Variants in ATP10B observed in about 807,000 individuals in gnomAD.
ATP10B encodes ATPase phospholipid transporting 10B (putative).
In ATP10B, 122 loss-of-function variants were observed where a neutral mutation model predicts 141.2. The observed-to-expected ratio is 0.86, with a 90% CI of 0.75 to 1.00. The LOEUF (loss-of-function observed/expected upper bound fraction) is 1.00. Ranked by LOEUF, ATP10B falls within the 50% of genes least tolerant of loss-of-function variation. The pLI, the probability that ATP10B is intolerant of heterozygous loss-of-function variation, is 0.00. For synonymous variants in ATP10B, 685 were observed against 692.0 expected (o/e 0.99, Z 0.16); for missense variants, 1,876 against 1,825.3 (o/e 1.03, Z -0.51).
chr5:160,913,482 T>C, the ATP10B span, among the ~76,000 whole-genome samples: 1 of 152,172 alleles, frequency 6.6e-6, no homozygotes, highest in South Asian at 2.1e-4. Flanking sequence ...ATCATATTCA[T>C]ATTCCTAGTA....
At chr5:160,764,725 A>G (rs901634803) in intron 2 of ATP10B, among the ~76,000 whole-genome samples, 1 of 152,194 alleles carries the variant, frequency 6.6e-6, no homozygotes, top group Non-Finnish European at 1.5e-5. Flanking sequence ...GCAATCAGAC[A>G]AAAGAAAGAG....
At chr5:160,657,226 A>G (rs540129666) in intron 7 of ATP10B, among the ~76,000 whole-genome samples, 1 of 152,284 alleles carries the variant, frequency 6.6e-6, no homozygotes, top group East Asian at 1.9e-4. Flanking sequence ...AATGTTCTTC[A>G]CGCCCCAGCT....
At chr5:160,929,267 G>A in the ATP10B span, among the ~76,000 whole-genome samples, 2 of 152,144 alleles carry the variant, frequency 1.3e-5, no homozygotes, top group Admixed American at 6.5e-5. Context: ...GGGAGGGTTG[G>A]CACTCCTTGG....
intron 2 of ATP10B, among the ~76,000 whole-genome samples, chr5:160,754,103 T>C (rs1300159492): frequency 1.3e-5 from 2 of 152,200 alleles, no homozygotes; most frequent in African/African-American, 4.8e-5. Flanking sequence ...GTATAAAGTT[T>C]GTGGTAATTT....
chr5:160,632,080 T>C, intron 13 of ATP10B, 49 bp downstream of exon 13: 1 of 1,528,994 alleles, frequency 6.5e-7, no homozygotes, highest in Non-Finnish European at 8.9e-7. Flanking sequence ...GCACCCTCCC[T>C]CTCTTCCCAC....
chr5:160,582,157 T>C (rs188017393), intron 24 of ATP10B, among the ~76,000 whole-genome samples: 1 of 152,296 alleles, frequency 6.6e-6, no homozygotes, highest in East Asian at 1.9e-4. Flanking sequence ...ACATTTAAGG[T>C]TAATATTGTT....
chr5:160,679,548 G>A (rs937767173), intron 6 of ATP10B, among the ~76,000 whole-genome samples: 1 of 152,202 alleles, frequency 6.6e-6, no homozygotes, highest in African/African-American at 2.4e-5. Context: ...GTTTCTGCAG[G>A]TGGGTGGGTC....
At chr5:160,763,548 G>C in intron 2 of ATP10B, among the ~76,000 whole-genome samples, 1 of 151,990 alleles carries the variant, frequency 6.6e-6, no homozygotes, top group Non-Finnish European at 1.5e-5. Context: ...AAACCTCTCG[G>C]ATACAGCAAA....
the ATP10B span, among the ~76,000 whole-genome samples, chr5:160,917,852 G>C: frequency 6.6e-6 from 1 of 152,192 alleles, no homozygotes; most frequent in Non-Finnish European, 1.5e-5. Context: ...GCTGCAGCTG[G>C]CTGAGTGTTC....
intron 7 of ATP10B, among the ~76,000 whole-genome samples, chr5:160,658,326 A>G (rs867284997): frequency 3.3e-5 from 5 of 152,222 alleles, no homozygotes; most frequent in Non-Finnish European, 7.3e-5. Flanking sequence ...CTAGGCAGAG[A>G]GAGGTCAGAA....
At chr5:160,666,498 CCTT>C (rs1467504349) in intron 7 of ATP10B, among the ~76,000 whole-genome samples, 3 of 152,190 alleles carry the variant, frequency 2.0e-5, no homozygotes, top group Non-Finnish European at 1.5e-5. Context: ...TAGCACCTGT[CCTT>C]CTCCTTGGGG....
At chr5:160,594,112 G>A (rs568974907) in intron 22 of ATP10B, among the ~76,000 whole-genome samples, 2 of 152,250 alleles carry the variant, frequency 1.3e-5, no homozygotes, top group Admixed American at 6.5e-5. Flanking sequence ...TGAAATGAAG[G>A]AAAAAATGTC....
intron 1 of ATP10B, among the ~76,000 whole-genome samples, chr5:160,818,129 A>G (rs374402537): frequency 6.6e-6 from 1 of 152,222 alleles, no homozygotes; most frequent in South Asian, 2.1e-4. Flanking sequence ...CAATGGCAAC[A>G]AAAGCCAAAA....
chr5:160,718,587 TG>T (rs1342554217), intron 2 of ATP10B, among the ~76,000 whole-genome samples: 1 of 152,190 alleles, frequency 6.6e-6, no homozygotes, highest in Non-Finnish European at 1.5e-5. Flanking sequence ...CATGCTAACA[TG>T]GTGAAGAAGA....
intron 1 of ATP10B, among the ~76,000 whole-genome samples, chr5:160,809,121 G>A: frequency 6.6e-6 from 1 of 152,082 alleles, no homozygotes; most frequent in East Asian, 1.9e-4. Flanking sequence ...CTCTAATTCG[G>A]GTTAATTTTT....
intron 7 of ATP10B, among the ~76,000 whole-genome samples, chr5:160,655,443 A>T (rs985450114): frequency 1.3e-5 from 2 of 152,106 alleles, no homozygotes; most frequent in East Asian, 3.9e-4. Context: ...CCTCTGGTAG[A>T]CTGTCATCTT....
chr5:160,831,122 T>A (rs113127834), intron 1 of ATP10B, among the ~76,000 whole-genome samples: 1 of 144,566 alleles, frequency 6.9e-6, no homozygotes, highest in Non-Finnish European at 1.5e-5. Flanking sequence ...TTTTTTTTTT[T>A]CTTTTAGATT....
intron 18 of ATP10B, among the ~76,000 whole-genome samples, chr5:160,609,477 C>G (rs925697963): frequency 6.6e-6 from 1 of 151,576 alleles, no homozygotes; most frequent in Non-Finnish European, 1.5e-5. Flanking sequence ...CTCCTGGGTT[C>G]AAGTGATTTT....
At chr5:160,715,688 C>CTTTATTTATTTA (rs68128776) in intron 3 of ATP10B, among the ~76,000 whole-genome samples, 33,523 of 141,398 alleles carry the variant, frequency 0.24, 4,463 homozygotes, top group African/African-American at 0.3. Context: ...ATTTAGCTTG[C>CTTTATTTATTTA]TTTATTTATT....
Sources: gnomAD v4.1 joint callset for allele counts (sites outside exome capture counted in the v4.1 genomes callset) on GRCh38, gnomAD v4.1.1 for gene constraint, MANE v1.5 for transcripts, NCBI Gene and HGNC (gene_info 2026-07-23, HGNC 2026-07-21) for gene names.